THSD7A: variants seen among roughly 807,000 people sequenced by gnomAD.
THSD7A encodes the protein thrombospondin type 1 domain containing 7A.
In THSD7A, 96 loss-of-function variants were observed where a neutral mutation model predicts 231.3. The ratio of observed to expected loss-of-function variants is 0.41; its 90% confidence interval spans 0.35 to 0.49. The LOEUF (loss-of-function observed/expected upper bound fraction) is 0.49, where lower values mean the gene tolerates loss of function less well. THSD7A is among the 20% of genes least tolerant of loss of function. The probability of loss-of-function intolerance (pLI) is 0.05; values close to 1 mark genes in which losing one functional copy is unlikely to be tolerated. For synonymous variants in THSD7A, 940 were observed against 743.3 expected (o/e 1.26, Z -4.30); for missense variants, 2,290 against 2,070.2 (o/e 1.11, Z -2.06).
At chr7:11,537,397 G>A (rs567152197) in intron 6 of THSD7A, among the ~76,000 whole-genome samples, 1 of 152,204 alleles carries the variant, frequency 6.6e-6, no homozygotes, top group African/African-American at 2.4e-5. Context: ...GATCACAGGG[G>A]TAGATTTCTT....
intron 1 of THSD7A, among the ~76,000 whole-genome samples, chr7:11,791,491 A>C (rs1171688144): frequency 1.3e-5 from 2 of 151,992 alleles, no homozygotes; most frequent in Non-Finnish European, 2.9e-5. Flanking sequence ...GTAGTTTCCC[A>C]AAGTTTAGTT....
rs1782066732 is a variant in THSD7A at position 11,371,845 on chromosome 7, C to CT, written c.*3948dup. ...TGGTGTAAATCAGGATGTTCACACT[C>CT]TGAGTGAGTGACACTTTGATTCTAA... On this transcript the variant is annotated 3_prime_UTR_variant, in exon 28 of 28. Transcript: ENST00000423059. 6.7e-6 allele frequency: 1 copy of CT among 148,848 alleles called. No homozygotes were observed. The allele number at this position is 148,848 out of a possible 1,614,324, so 9.2% of individuals were successfully genotyped here. A position where few individuals can be genotyped will look rare whatever the true frequency, so the allele number is the denominator to read the frequency against.
chr7:11,780,623 A>G (rs1420479510), intron 1 of THSD7A, among the ~76,000 whole-genome samples: 3 of 152,178 alleles, frequency 2.0e-5, no homozygotes, highest in African/African-American at 7.2e-5. Flanking sequence ...TAGGCTCTTG[A>G]CTGCATCCTC....
chr7:11,718,796 C>T (rs1236374130), intron 1 of THSD7A, among the ~76,000 whole-genome samples: 1 of 151,506 alleles, frequency 6.6e-6, no homozygotes, highest in African/African-American at 2.4e-5. Context: ...CCTAGTGGCA[C>T]ATTTGGTCAT....
intron 1 of THSD7A, among the ~76,000 whole-genome samples, chr7:11,746,429 A>G (rs191861003): frequency 2.6e-5 from 4 of 151,886 alleles, no homozygotes; most frequent in East Asian, 3.9e-4. Context: ...GAATCCCCCA[A>G]TGCATTTTGT....
intron 17 of THSD7A, among the ~76,000 whole-genome samples, chr7:11,416,219 T>C (rs763964376): frequency 1.3e-5 from 2 of 152,198 alleles, no homozygotes; most frequent in African/African-American, 4.8e-5. Flanking sequence ...TCTAAGATGA[T>C]TATCCTTGAT....
intron 1 of THSD7A, among the ~76,000 whole-genome samples, chr7:11,671,754 T>C (rs1207854196): frequency 6.6e-6 from 1 of 152,150 alleles, no homozygotes; most frequent in Non-Finnish European, 1.5e-5. Context: ...TGAAACACAA[T>C]ATATACATTT....
chr7:11,769,925 T>G (rs1386395449), intron 1 of THSD7A, among the ~76,000 whole-genome samples: 1 of 152,154 alleles, frequency 6.6e-6, no homozygotes, highest in Admixed American at 6.5e-5. Context: ...TTTTGAAAAC[T>G]GACATATAAT....
Position 11,460,775 on chromosome 7 carries a change from A to C in THSD7A, c.2502-10T>G. 1 of 1,607,792 alleles carries C rather than the reference A, an allele frequency of 6.2e-7. No homozygotes were observed. The highest frequency in any genetic ancestry group is 1.1e-5 in the South Asian group (1 of 89,762). On this transcript the variant is annotated splice_polypyrimidine_tract_variant and intron_variant, in intron 10 of 27. Coordinates refer to ENST00000423059, the MANE Select transcript of THSD7A (RefSeq NM_015204.3). ...TTTGTGAGTCTTCCACCTACAAGACAGGAACAGAAGCCCAGTGGGGAAGAA... is the reference window on the plus strand; with the variant it reads ...TTTGTGAGTCTTCCACCTACAAGACCGGAACAGAAGCCCAGTGGGGAAGAA...
At chr7:11,512,957 A>ATATATATATATATATATATATATG (rs962525158) in intron 6 of THSD7A, among the ~76,000 whole-genome samples, 3 of 144,544 alleles carry the variant, frequency 2.1e-5, no homozygotes, top group African/African-American at 8.0e-5. Context: ...ATATATATAT[A>ATATATATATATATATATATATATG]TATGTAAAAT....
chr7:11,650,116 C>T lies in THSD7A; in HGVS notation c.191-13155G>A, dbSNP rs565309442. On this transcript the variant is annotated intron_variant, in intron 1 of 27. Transcript: ENST00000423059. ...AGATTAGTATCTGCATATCAAGTGT[C>T]AAAGGCTGTGTTGATTTCTTCTAGT... Among the ~76,000 whole-genome samples, 15 of 152,224 alleles carry T rather than the reference C, an allele frequency of 9.9e-5. No homozygotes were observed. The South Asian group carries it at 2.9e-3, about 29-fold the overall frequency.
At chr7:11,450,350 T>G (rs1427804244) in intron 11 of THSD7A, among the ~76,000 whole-genome samples, 1 of 152,156 alleles carries the variant, frequency 6.6e-6, no homozygotes, top group South Asian at 2.1e-4. Flanking sequence ...AAAATTCCCA[T>G]AGCTATTCTC....
chr7:11,428,977 C>A lies in THSD7A; in HGVS notation c.3213G>T (p.Arg1071Ser), dbSNP rs1240929924. Residue 1071 changes from arginine (R) to serine (S), a missense_variant, in exon 14 of 28, where the codon AGG becomes AGT. Physicochemically the swap from Arg to Ser is moderately radical, Grantham distance 110. Coordinates refer to ENST00000423059, the MANE Select transcript of THSD7A (RefSeq NM_015204.3). The part of the protein sequence containing the change: ...WLREKPYNGG[R>S]PCPKLDHVNQ... ...TGACATGGTCCAGTTTGGGGCAAGG[C>A]CTTCCTCCATTATATGGTTTTTCAC... 6.2e-7 allele frequency: 1 copy of A among 1,611,352 alleles called. No homozygotes were observed. The highest frequency in any genetic ancestry group is 8.5e-7 in the Non-Finnish European group (1 of 1,178,858).
intron 13 of THSD7A, among the ~76,000 whole-genome samples, chr7:11,431,816 T>G (rs1275514151): frequency 6.6e-6 from 1 of 152,140 alleles, no homozygotes; most frequent in Non-Finnish European, 1.5e-5. Context: ...TGGAATTCAT[T>G]TCCATTTATA....
intron 11 of THSD7A, among the ~76,000 whole-genome samples, chr7:11,452,602 AC>A (rs1224808715): frequency 1.3e-5 from 2 of 152,020 alleles, no homozygotes; most frequent in Admixed American, 1.3e-4. Flanking sequence ...AGTAGCTGAG[AC>A]TGAGGTTGGC....
intron 1 of THSD7A, among the ~76,000 whole-genome samples, chr7:11,754,244 C>T (rs1318344970): frequency 1.3e-5 from 2 of 151,792 alleles, no homozygotes. Context: ...TAGAGAATAT[C>T]AATAAAGAGA....
intron 1 of THSD7A, among the ~76,000 whole-genome samples, chr7:11,657,030 C>T (rs1031984747): frequency 3.3e-5 from 5 of 151,776 alleles, no homozygotes; most frequent in African/African-American, 1.2e-4. Flanking sequence ...TTGTGTCCTA[C>T]AGTCATGATC....
intron 6 of THSD7A, among the ~76,000 whole-genome samples, chr7:11,534,737 A>G (rs1229575126): frequency 1.3e-5 from 2 of 152,226 alleles, no homozygotes; most frequent in Non-Finnish European, 2.9e-5. Flanking sequence ...GTGGATATAA[A>G]GGGAATCAAA....
intron 1 of THSD7A, among the ~76,000 whole-genome samples, chr7:11,685,033 T>A (rs1045331896): frequency 6.6e-6 from 1 of 151,812 alleles, no homozygotes; most frequent in Middle Eastern, 3.2e-3. Context: ...AACACATAGA[T>A]CATTGGAACA....
Sources: allele counts gnomAD v4.1 joint callset (sites outside exome capture counted in the v4.1 genomes callset), GRCh38; gene constraint gnomAD v4.1.1; transcripts MANE v1.5; gene names NCBI Gene and HGNC (gene_info 2026-07-23, HGNC 2026-07-21).